Variants in SYNRG observed in about 807,000 individuals in gnomAD.
SYNRG encodes synergin gamma, also known as AP1 gamma subunit binding protein 1.
Under a neutral mutation model 130.9 loss-of-function variants are expected in SYNRG, and 37 were observed. The ratio of observed to expected loss-of-function variants is 0.28; its 90% confidence interval spans 0.22 to 0.37. SYNRG has a LOEUF of 0.37. Among genes scored for constraint, SYNRG ranks in the 10% least tolerant of loss-of-function variants. The pLI is 1.00. For synonymous variants in SYNRG, 539 were observed against 568.1 expected (o/e 0.95, Z 0.73); for missense variants, 1,338 against 1,588.9 (o/e 0.84, Z 2.68).
intron 19 of SYNRG, among the ~76,000 whole-genome samples, chr17:37,531,735 C>T (rs551523980): frequency 4.6e-5 from 7 of 151,388 alleles, no homozygotes; most frequent in East Asian, 3.9e-4. Flanking sequence ...ACTGTGATCA[C>T]GTCATTGTGC....
chr17:37,529,104 T>G (rs2144230007), intron 19 of SYNRG, among the ~76,000 whole-genome samples: 1 of 152,322 alleles, frequency 6.6e-6, no homozygotes, highest in East Asian at 1.9e-4. Context: ...CTTTAGCATC[T>G]AGACACTGAT....
At chr17:37,558,990 GGT>G (rs1214857066) in intron 13 of SYNRG, among the ~76,000 whole-genome samples, 1 of 152,086 alleles carries the variant, frequency 6.6e-6, no homozygotes, top group Non-Finnish European at 1.5e-5. Flanking sequence ...ATGTTTCATT[GGT>G]TTGTTTTTAA....
intron 11 of SYNRG, among the ~76,000 whole-genome samples, chr17:37,565,505 A>G (rs1316452421): frequency 7.4e-6 from 1 of 134,950 alleles, no homozygotes; most frequent in Non-Finnish European, 1.6e-5. Context: ...CTGGCCGCCC[A>G]TCGTCTGGGA....
At chr17:37,525,076 G>C (rs530880815) in intron 19 of SYNRG, among the ~76,000 whole-genome samples, 21 of 152,280 alleles carry the variant, frequency 1.4e-4, no homozygotes, top group African/African-American at 5.1e-4. Flanking sequence ...TACTCTTTCA[G>C]CTGACAAAAT....
At chr17:37,586,642 T>C in intron 3 of SYNRG, 93 bp from the exon 4 acceptor site, 1 of 1,391,272 alleles carries the variant, frequency 7.2e-7, no homozygotes, top group South Asian at 1.4e-5. Flanking sequence ...ATCTTAATAC[T>C]CTTATTTGTA....
At chr17:37,561,723 T>C (rs2059548210) in intron 11 of SYNRG, 134 bp from the exon 12 acceptor site, 1 of 613,222 alleles carries the variant, frequency 1.6e-6, no homozygotes. Flanking sequence ...TAGAAAACTA[T>C]ATAGTATACA....
At position 37,553,103 on chromosome 17, in the gene SYNRG, C is replaced by T. The variant is rs977956216; in HGVS notation, c.2608+12G>A. 15 of 1,605,746 alleles carry T rather than the reference C, an allele frequency of 9.3e-6. No individual in the cohort carries two copies. The African/African-American group carries it at 1.9e-4, about 20-fold the overall frequency. On this transcript the variant is annotated intron_variant, in intron 14 of 21. Coordinates refer to ENST00000612223, the MANE Select transcript of SYNRG (RefSeq NM_007247.6). ...CAACACCATCACCAGAGCAATCTCA[C>T]CAATTCCTCACCTGCAGCAGGAGGA...
intron 14 of SYNRG, among the ~76,000 whole-genome samples, chr17:37,551,234 T>G (rs1402360058): frequency 6.6e-6 from 1 of 152,220 alleles, no homozygotes; most frequent in Non-Finnish European, 1.5e-5. Flanking sequence ...ACTACATTAC[T>G]TTGAATAAGT....
At chr17:37,589,108 C>A (rs893678465) in intron 3 of SYNRG, among the ~76,000 whole-genome samples, 1 of 152,152 alleles carries the variant, frequency 6.6e-6, no homozygotes, top group African/African-American at 2.4e-5. Flanking sequence ...CTACTGATGG[C>A]ACTTAAGATT....
chr17:37,578,875 C>T (rs1462076131), intron 6 of SYNRG, among the ~76,000 whole-genome samples: 4 of 152,154 alleles, frequency 2.6e-5, no homozygotes, highest in African/African-American at 9.7e-5. Flanking sequence ...CTGGAAAAAT[C>T]AGAAGATTTC....
In SYNRG at chr17:37,540,521, G is replaced by T. The variant is rs771060090; in HGVS notation, c.3225C>A (p.Ser1075Arg). The stretch of plus-strand genomic sequence containing the variant: ...AACGGCTTATTTCTTTATCACCAAG[G>T]CTCAAACTCCTCTTGTGTGATCCTG... Reference protein sequence around the residue: ...SVQGSHKRSLSLGDKEISRSS... With the variant: ...SVQGSHKRSLRLGDKEISRSS... Residue 1075 changes from serine (S) to arginine (R), a missense_variant, in exon 16 of 22, where the codon AGC becomes AGA. Transcript: ENST00000612223. The T allele has an allele frequency of 6.2e-7, 1 of 1,613,822 alleles. No individual in the cohort carries two copies. The highest frequency in any genetic ancestry group is 1.3e-5 in the African/African-American group (1 of 74,822).
intron 13 of SYNRG, among the ~76,000 whole-genome samples, chr17:37,558,774 T>A (rs1276105254): frequency 1.3e-5 from 2 of 152,212 alleles, no homozygotes; most frequent in Admixed American, 1.3e-4. Context: ...GACGTCTGTA[T>A]CCTTGAACAT....
chr17:37,519,009 G>C lies in SYNRG; in HGVS notation c.3876C>G (p.Ser1292Arg). The C allele has an allele frequency of 6.2e-7, 1 of 1,614,232 alleles. No individual in the cohort carries two copies. Among genetic ancestry groups the C allele is most frequent in the Non-Finnish European group, 8.5e-7 (1 of 1,180,040 alleles). Residue 1292 changes from serine to arginine, a missense_variant, in exon 22 of 22, where the codon AGC (serine) becomes AGG (arginine). Physicochemically the swap from Ser to Arg is moderately radical, Grantham distance 110. This residue lies in a region of SYNRG where 1,146 missense variants were observed against 1,342.3 expected (regional missense o/e 0.85). Transcript: ENST00000612223. ...CACAGTTGATCCAGAAGTTGGCACA[G>C]CTGGCGTGATACTGGTGCCCTCCAT... ...LAYGGHQYHA[S>R]CANFWINCVE...
intron 14 of SYNRG, among the ~76,000 whole-genome samples, chr17:37,547,983 T>A (rs964459272): frequency 1.3e-5 from 2 of 152,240 alleles, no homozygotes; most frequent in African/African-American, 4.8e-5. Flanking sequence ...AGTCATTACA[T>A]TATATTAAAA....
At chr17:37,588,278 T>G (rs77018354) in intron 3 of SYNRG, among the ~76,000 whole-genome samples, 2 of 149,802 alleles carry the variant, frequency 1.3e-5, no homozygotes, top group South Asian at 4.3e-4. Context: ...TTTTTTTTTT[T>G]TTGAGACAGG....
chr17:37,565,048 G>GAGGTC (rs1568405989), intron 11 of SYNRG, among the ~76,000 whole-genome samples: 1 of 152,208 alleles, frequency 6.6e-6, no homozygotes, highest in Non-Finnish European at 1.5e-5. Context: ...CAGATCACCT[G>GAGGTC]AGGTCAGGAG....
chr17:37,594,940 A>G (rs1458842816), intron 3 of SYNRG, among the ~76,000 whole-genome samples: 2 of 152,150 alleles, frequency 1.3e-5, no homozygotes, highest in Non-Finnish European at 2.9e-5. Flanking sequence ...TCTTTTTCCT[A>G]TGCCAAGAGC....
At chr17:37,583,237 T>C (rs534292326) in intron 6 of SYNRG, among the ~76,000 whole-genome samples, 1 of 152,142 alleles carries the variant, frequency 6.6e-6, no homozygotes, top group Non-Finnish European at 1.5e-5. Context: ...TTTCTCTACT[T>C]TTCCTAACCT....
intron 3 of SYNRG, among the ~76,000 whole-genome samples, chr17:37,590,158 ACT>A (rs1162465320): frequency 6.7e-6 from 1 of 148,726 alleles, no homozygotes; most frequent in African/African-American, 2.5e-5. Context: ...ACAGGGCGAG[ACT>A]CTGTCTCAAA....
Sources: gnomAD v4.1 joint callset for allele counts (sites outside exome capture counted in the v4.1 genomes callset) on GRCh38, gnomAD v4.1.1 for gene constraint, gnomAD v4.1.1 regional missense constraint, MANE v1.5 for transcripts, NCBI Gene and HGNC (gene_info 2026-07-23, HGNC 2026-07-21) for gene names.